DEPTOR: variants seen among roughly 807,000 people sequenced by gnomAD.
DEPTOR encodes DEP domain-containing mTOR-interacting protein.
DEPTOR carries 41 observed loss-of-function variants against 41.6 expected under a neutral mutation model. That is an observed-to-expected ratio of 0.98 (90% CI 0.77 to 1.28). The LOEUF (loss-of-function observed/expected upper bound fraction) is 1.28, where lower values mean the gene tolerates loss of function less well. DEPTOR is among the 50% of genes most tolerant of loss of function. The pLI, the probability that DEPTOR is intolerant of heterozygous loss-of-function variation, is 0.00. For synonymous variants in DEPTOR, 195 were observed against 192.3 expected (o/e 1.01, Z -0.12); for missense variants, 514 against 527.9 (o/e 0.97, Z 0.26).
chr8:119,904,395 A>G (rs1412356468), intron 1 of DEPTOR, among the ~76,000 whole-genome samples: 4 of 152,292 alleles, frequency 2.6e-5, no homozygotes, highest in Non-Finnish European at 5.9e-5. Context: ...CTGGGATTAC[A>G]GGCATGAGCC....
intron 3 of DEPTOR, among the ~76,000 whole-genome samples, chr8:119,963,515 A>AT (rs1239505677): frequency 1.3e-5 from 2 of 151,728 alleles, no homozygotes; most frequent in Non-Finnish European, 2.9e-5. Flanking sequence ...TGTCTGGCTA[A>AT]TTTTTTTGTA....
chr8:119,996,375 G>A (rs1026728071), intron 4 of DEPTOR, among the ~76,000 whole-genome samples: 1 of 152,182 alleles, frequency 6.6e-6, no homozygotes, highest in African/African-American at 2.4e-5. Flanking sequence ...TACTTACAAT[G>A]TATTTGGCAT....
chr8:119,973,336 G>A (rs530745304), intron 4 of DEPTOR, among the ~76,000 whole-genome samples: 37 of 152,074 alleles, frequency 2.4e-4, no homozygotes, highest in African/African-American at 8.7e-4. Flanking sequence ...CCAGGCTAAA[G>A]CAGTCCTCCC....
chr8:120,012,627 C>T (rs1235231644), intron 8 of DEPTOR, among the ~76,000 whole-genome samples: 1 of 152,022 alleles, frequency 6.6e-6, no homozygotes, highest in Non-Finnish European at 1.5e-5. Context: ...ACCTCCACTT[C>T]CCAGGTTCAA....
At chr8:119,884,397 A>G (rs1200868777) in intron 1 of DEPTOR, among the ~76,000 whole-genome samples, 2 of 152,186 alleles carry the variant, frequency 1.3e-5, no homozygotes, top group Admixed American at 6.5e-5. Flanking sequence ...CTAACATCTA[A>G]CAAACATTGA....
chr8:119,974,333 T>A (rs998557601), intron 4 of DEPTOR, among the ~76,000 whole-genome samples: 13 of 150,164 alleles, frequency 8.7e-5, no homozygotes, highest in South Asian at 4.3e-4. Context: ...ATTTTTTCTT[T>A]ACTTTTCATG....
chr8:119,974,059 C>A (rs1005708944), intron 4 of DEPTOR, among the ~76,000 whole-genome samples: 1 of 151,234 alleles, frequency 6.6e-6, no homozygotes, highest in African/African-American at 2.4e-5. Flanking sequence ...AATAGCCCAG[C>A]TGGAAAGGAA....
intron 7 of DEPTOR, among the ~76,000 whole-genome samples, chr8:120,008,130 C>A (rs1281588430): frequency 1.3e-5 from 2 of 152,130 alleles, no homozygotes; most frequent in African/African-American, 4.8e-5. Context: ...TTCCAAACAA[C>A]TTTTGGATTA....
At chr8:119,917,797 G>T (rs1488727271) in intron 1 of DEPTOR, among the ~76,000 whole-genome samples, 1 of 152,168 alleles carries the variant, frequency 6.6e-6, no homozygotes, top group Non-Finnish European at 1.5e-5. Flanking sequence ...TCTGTCTCCT[G>T]CCCGTCCCTG....
At chr8:119,965,536 A>G in intron 4 of DEPTOR, 126 bp downstream of exon 4, 1 of 1,232,108 alleles carries the variant, frequency 8.1e-7, no homozygotes, top group Non-Finnish European at 1.1e-6. Flanking sequence ...GCTTATGTTC[A>G]GCTTGTCTCC....
At chr8:119,926,861 C>A (rs1315381662) in intron 1 of DEPTOR, among the ~76,000 whole-genome samples, 1 of 152,126 alleles carries the variant, frequency 6.6e-6, no homozygotes, top group Non-Finnish European at 1.5e-5. Flanking sequence ...GCATCATTAA[C>A]ATTCATTCCC....
intron 4 of DEPTOR, among the ~76,000 whole-genome samples, chr8:119,976,892 C>G (rs1828702202): frequency 6.6e-6 from 1 of 152,188 alleles, no homozygotes; most frequent in Non-Finnish European, 1.5e-5. Flanking sequence ...AAAGCAAGCC[C>G]TGTTTCCACA....
intron 8 of DEPTOR, among the ~76,000 whole-genome samples, chr8:120,014,715 G>A (rs1812583809): frequency 1.3e-5 from 2 of 151,842 alleles, no homozygotes; most frequent in South Asian, 4.2e-4. Flanking sequence ...TAGAGACAGG[G>A]TTTCACCATG....
chr8:119,928,575 C>T lies in DEPTOR; in HGVS notation c.298C>T (p.His100Tyr), dbSNP rs1368549626. ...QKLADRGIIH[H>Y]VCDEHKEFKD... ...ATTAGCAGACCGGGGCATTATTCAC[C>T]ATGGTGAGTGCGGTGGCGAGTCAAG... The change falls in exon 2 of 9, where the codon CAT becomes TAT. Residue 100 changes from histidine (H) to tyrosine (Y), a missense_variant. Transcript: ENST00000286234. The T allele has an allele frequency of 1.9e-6, 3 of 1,613,884 alleles. No individual in the cohort carries two copies. Among genetic ancestry groups the T allele is most frequent in the East Asian group, 4.5e-5 (2 of 44,890 alleles).
At chr8:119,905,632 CTT>C (rs35630187) in intron 1 of DEPTOR, among the ~76,000 whole-genome samples, 12,421 of 136,386 alleles carry the variant, frequency 0.091, 1,002 homozygotes, top group African/African-American at 0.23. Flanking sequence ...TTTATATGGG[CTT>C]TTTTTTTTTT....
chr8:119,897,938 C>T (rs1586604415), intron 1 of DEPTOR, among the ~76,000 whole-genome samples: 1 of 152,180 alleles, frequency 6.6e-6, no homozygotes, highest in Non-Finnish European at 1.5e-5. Context: ...GTCAACATGA[C>T]TCAGTTAACA....
chr8:119,984,994 G>A (rs555138511), intron 4 of DEPTOR, among the ~76,000 whole-genome samples: 6 of 152,216 alleles, frequency 3.9e-5, no homozygotes, highest in South Asian at 4.2e-4. Flanking sequence ...AGACCAGCCT[G>A]GCCTACATAG....
chr8:119,891,574 CG>C (rs1025322703), intron 1 of DEPTOR, among the ~76,000 whole-genome samples: 1 of 152,030 alleles, frequency 6.6e-6, no homozygotes, highest in Non-Finnish European at 1.5e-5. Context: ...ACCGTGAGGA[CG>C]GCCTGTTCAT....
intron 4 of DEPTOR, among the ~76,000 whole-genome samples, chr8:119,980,368 C>A (rs1370219782): frequency 2.0e-5 from 3 of 152,024 alleles, no homozygotes; most frequent in Non-Finnish European, 4.4e-5. Context: ...CTAGTGGCTG[C>A]CATCTTGGAG....
Sources: allele counts gnomAD v4.1 joint callset (sites outside exome capture counted in the v4.1 genomes callset), GRCh38; gene constraint gnomAD v4.1.1; transcripts MANE v1.5; gene names NCBI Gene and HGNC (gene_info 2026-07-23, HGNC 2026-07-21).